Variants in TRAPPC10 observed in about 807,000 individuals in gnomAD.
TRAPPC10 encodes the protein trafficking protein particle complex subunit 10, also known as TRAPP 130 kDa subunit.
Under a neutral mutation model 125.5 loss-of-function variants are expected in TRAPPC10, and 23 were observed. The ratio of observed to expected loss-of-function variants is 0.18; its 90% confidence interval spans 0.13 to 0.26. The LOEUF is 0.26. TRAPPC10 is among the 10% of genes least tolerant of loss of function. The pLI is 1.00. For synonymous variants in TRAPPC10, 509 were observed against 518.0 expected (o/e 0.98, Z 0.24); for missense variants, 1,123 against 1,308.4 (o/e 0.86, Z 2.19).
intron 17 of TRAPPC10, chr21:44,089,518 C>T (rs1441943063): frequency 6.1e-6 from 3 of 490,636 alleles, no homozygotes; most frequent in South Asian, 1.5e-5. Flanking sequence ...CGCGGCCCTG[C>T]GTGTATGGGA....
Position 44,059,358 on chromosome 21 carries a change from C to T in TRAPPC10, c.790+144C>T, listed in dbSNP as rs530220164. 54 of 691,706 alleles carry T rather than the reference C, an allele frequency of 7.8e-5. No homozygotes were observed. Among genetic ancestry groups the T allele is most frequent in the African/African-American group, 7.2e-4 (40 of 55,742 alleles). The allele number at this position is 691,706 out of a possible 1,614,324, so 42.8% of individuals were successfully genotyped here. A position where few individuals can be genotyped will look rare whatever the true frequency, so the allele number is the denominator to read the frequency against. On this transcript the variant is annotated intron_variant, in intron 6 of 22. Transcript: ENST00000291574. The surrounding 1 kb of genome is among the most constrained non-coding windows in gnomAD (Gnocchi z 4.4). ...ATACACATTATATCGGATATATTCT[C>T]GTGATTCCTAGAGGAAATGAAATGA...
chr21:44,015,891 G>T (rs2031783017), intron 1 of TRAPPC10, among the ~76,000 whole-genome samples: 1 of 152,226 alleles, frequency 6.6e-6, no homozygotes, highest in African/African-American at 2.4e-5. Context: ...TGGGATTACA[G>T]GCGTGAGCCC....
At chr21:44,064,334 TGTGTGA>T (rs1033968037) in intron 7 of TRAPPC10, among the ~76,000 whole-genome samples, 21 of 132,694 alleles carry the variant, frequency 1.6e-4, no homozygotes, top group African/African-American at 6.5e-4. Flanking sequence ...TGTGTGTGTG[TGTGTGA>T]GTGTGAGAAT....
At chr21:44,094,948 A>G (rs1324296418) in intron 20 of TRAPPC10, among the ~76,000 whole-genome samples, 1 of 151,376 alleles carries the variant, frequency 6.6e-6, no homozygotes, top group Non-Finnish European at 1.5e-5. Context: ...GTTTTATATA[A>G]CTCTCCTTAA....
intron 7 of TRAPPC10, 125 bp from the exon 8 acceptor site, chr21:44,074,199 C>G: frequency 8.7e-7 from 1 of 1,148,194 alleles, no homozygotes; most frequent in Non-Finnish European, 1.3e-6. Context: ...TATCACAGAA[C>G]TGTTAGATGA....
In TRAPPC10 at chr21:44,012,370, C is replaced by T. The variant is rs1443954812; in HGVS notation, c.-124C>T. 2 of 409,438 alleles carry T rather than the reference C, an allele frequency of 4.9e-6. No individual in the cohort carries two copies. The highest frequency in any genetic ancestry group is 6.6e-6 in the Non-Finnish European group (2 of 303,618). The allele number at this position is 409,438 out of a possible 1,614,324, so 25.4% of individuals were successfully genotyped here. ...CGGGCGGCAGCTGCGGCGCAACCGG[C>T]TCCGGAGCTGCCTGGCGCGGCCGGG... On this transcript the variant is annotated 5_prime_UTR_variant, in exon 1 of 23. Coordinates refer to ENST00000291574, the MANE Select transcript of TRAPPC10 (RefSeq NM_003274.5).
At chr21:44,014,413 A>G (rs2031562608) in intron 1 of TRAPPC10, among the ~76,000 whole-genome samples, 2 of 147,610 alleles carry the variant, frequency 1.4e-5, no homozygotes, top group South Asian at 2.2e-4. Flanking sequence ...TTCTTTTTTG[A>G]GACGGCGTCT....
chr21:44,049,613 A>G (rs562971528), intron 3 of TRAPPC10, among the ~76,000 whole-genome samples: 1 of 152,024 alleles, frequency 6.6e-6, no homozygotes, highest in Non-Finnish European at 1.5e-5. Context: ...GCCAGCCCCA[A>G]AATCCTTCAT....
At chr21:44,070,780 G>T (rs1162772322) in intron 7 of TRAPPC10, among the ~76,000 whole-genome samples, 1 of 152,192 alleles carries the variant, frequency 6.6e-6, no homozygotes, top group Non-Finnish European at 1.5e-5. Flanking sequence ...GGCACTCTCT[G>T]TCCCCTTCCC....
In TRAPPC10 at chr21:44,032,936, G is replaced by A. The variant is rs114044729; in HGVS notation, c.149+764G>A. ...GTGCGTTTTCCTTAAGGACAAGAAG[G>A]TAAACAGAAAGATGGTATTTAAAAA... On this transcript the variant is annotated intron_variant, in intron 2 of 22. Coordinates refer to ENST00000291574, the MANE Select transcript of TRAPPC10 (RefSeq NM_003274.5). Among the ~76,000 whole-genome samples, 361 of 152,260 alleles carry A rather than the reference G, an allele frequency of 2.4e-3. 2 individuals carry two copies. Among genetic ancestry groups the A allele is most frequent in the African/African-American group, 8.4e-3 (351 of 41,552 alleles).
intron 7 of TRAPPC10, among the ~76,000 whole-genome samples, chr21:44,073,624 C>T (rs933774173): frequency 1.3e-4 from 20 of 152,150 alleles, no homozygotes; most frequent in African/African-American, 3.4e-4. Flanking sequence ...ACAGTAGGCG[C>T]GGTACCTGGC....
chr21:44,016,696 T>C (rs2031878683), intron 1 of TRAPPC10, among the ~76,000 whole-genome samples: 1 of 152,232 alleles, frequency 6.6e-6, no homozygotes, highest in Non-Finnish European at 1.5e-5. Context: ...TCTTGCTTTG[T>C]TGCCCAGGCT....
chr21:44,058,014 G>A (rs1046441849), intron 5 of TRAPPC10, among the ~76,000 whole-genome samples: 6 of 152,198 alleles, frequency 3.9e-5, no homozygotes, highest in Non-Finnish European at 8.8e-5. Context: ...TTCAACAAAG[G>A]TTACTGAGCA....
rs367885871 is a variant in TRAPPC10, at chr21:44,092,900, G to A, written c.2997+851G>A. ...CAACCTCTGCCTCCTGGGTTCAAGC[G>A]ATTCTCCTGTCTCAGCCTCCTGAGT... On this transcript the variant is annotated intron_variant, in intron 19 of 22. Transcript: ENST00000291574. 5.9e-5 allele frequency among the ~76,000 whole-genome samples: 9 copies of A among 152,072 alleles called. No homozygotes were observed. In the East Asian group the frequency reaches 1.5e-3, roughly 26 times the overall value.
Position 44,012,611 on chromosome 21 carries a change from C to A in TRAPPC10, c.67+51C>A, listed in dbSNP as rs894554021. 4.0e-6 allele frequency: 6 copies of A among 1,489,490 alleles called. No homozygotes were observed. The East Asian group carries it at 1.3e-4, about 32-fold the overall frequency. The allele number at this position is 1,489,490 out of a possible 1,614,324, so 92.3% of individuals were successfully genotyped here. On this transcript the variant is annotated intron_variant, in intron 1 of 22. Transcript: ENST00000291574. ...GCGGCGGTCGTTGGGCGGGCCCGGGCCCTGGCGTTATGCACCCGGCGCCCC... is the reference window on the plus strand; with the variant it reads ...GCGGCGGTCGTTGGGCGGGCCCGGGACCTGGCGTTATGCACCCGGCGCCCC...
intron 1 of TRAPPC10, among the ~76,000 whole-genome samples, chr21:44,020,595 C>G (rs2032406152): frequency 1.3e-5 from 2 of 151,970 alleles, no homozygotes; most frequent in South Asian, 2.1e-4. Flanking sequence ...GTTTGTGCCA[C>G]TTCACTCCAG....
At chr21:44,056,417 G>A (rs1280883358) in intron 5 of TRAPPC10, among the ~76,000 whole-genome samples, 5 of 152,126 alleles carry the variant, frequency 3.3e-5, no homozygotes, top group Non-Finnish European at 4.4e-5. Context: ...ACAGTCTCAC[G>A]GTGGCCCCCC....
chr21:44,062,423 G>A (rs2036126787), intron 6 of TRAPPC10: 1 of 404,214 alleles, frequency 2.5e-6, no homozygotes. Flanking sequence ...GCTCAGGTGA[G>A]AGATGGGGCA....
rs553192343 is a variant in TRAPPC10 at position 44,063,728 on chromosome 21, G to T, written c.981G>T (p.Val327=). 4 of 1,614,166 alleles carry T rather than the reference G, an allele frequency of 2.5e-6. No homozygotes were observed. The highest frequency in any genetic ancestry group is 3.4e-6 in the Non-Finnish European group (4 of 1,180,040). ...TCTTCCTGCAGAGGCCGTGGGAGGT[G>T]GCCCAGCGCGCCCTAGAGCTGCTGC... ...LLLFLQRPWE[V]AQRALELLHN... Residue 327 remains valine, a synonymous_variant, in exon 7 of 23, where the codon GTG becomes GTT. Coordinates refer to ENST00000291574, the MANE Select transcript of TRAPPC10 (RefSeq NM_003274.5). This position sits in a 1 kb window ranked among gnomAD's most constrained non-coding sequence, Gnocchi z 4.4.
Sources: allele counts gnomAD v4.1 joint callset (sites outside exome capture counted in the v4.1 genomes callset), GRCh38; gene constraint gnomAD v4.1.1; non-coding constraint Gnocchi (gnomAD v3.1); transcripts MANE v1.5; gene names NCBI Gene and HGNC (gene_info 2026-07-23, HGNC 2026-07-21).